Variants in ANK1 observed in about 807,000 individuals in gnomAD.
ANK1 encodes ankyrin 1, also known as ankyrin-1.
ANK1 carries 51 observed loss-of-function variants against 210.4 expected under a neutral mutation model. The ratio of observed to expected loss-of-function variants is 0.24; its 90% CI spans 0.19 to 0.31. The LOEUF is 0.31. Ranked by LOEUF, ANK1 falls within the 10% of genes least tolerant of loss-of-function variation. The pLI, the probability that ANK1 is intolerant of heterozygous loss-of-function variation, is 1.00. For missense variants in ANK1, 2,051 were observed against 2,504.4 expected (o/e 0.82, Z 3.86); for synonymous variants, 967 against 1,025.9 (o/e 0.94, Z 1.10).
chr8:41,716,726 T>C (rs1384400739), intron 13 of ANK1, among the ~76,000 whole-genome samples: 2 of 152,242 alleles, frequency 1.3e-5, no homozygotes, highest in African/African-American at 2.4e-5. Flanking sequence ...GCCACGCACC[T>C]TGGACTTTCC....
chr8:41,889,304 A>T lies in ANK1; in HGVS notation c.126+7051T>A, dbSNP rs10504045. ...TGGGTTGGAGCCCAGTTCTGGGGTT[A>T]TCAACCTATTGGGCGACAGAGTGTG... On this transcript the variant is annotated intron_variant, in intron 1 of 42. Transcript: ENST00000265709. Among the ~76,000 whole-genome samples the T allele has an allele frequency of 6.0e-3, 910 of 152,334 alleles. 30 individuals carry two copies. In the East Asian group the frequency reaches 0.068, roughly 11 times the overall value.
At position 41,727,244 on chromosome 8, in the gene ANK1, A is replaced by G. The variant is rs1830948942; in HGVS notation, c.426+6T>C. ...GGTGGTGACGACATTTTTCCAAGGT[A>G]CTTACTTCTGTGGCTACATTCTGGT... On this transcript the variant is annotated splice_donor_region_variant and intron_variant, in intron 5 of 42. Transcript: ENST00000289734. The G allele has an allele frequency of 6.2e-7, 1 of 1,611,868 alleles. No homozygotes were observed. The highest frequency in any genetic ancestry group is 1.7e-4 in the Middle Eastern group (1 of 6,058).
chr8:41,691,404 G>A lies in ANK1; in HGVS notation c.3859-805C>T, dbSNP rs553293761. 2.4e-4 allele frequency among the ~76,000 whole-genome samples: 37 copies of A among 152,254 alleles called. No homozygotes were observed. In the South Asian group the frequency reaches 6.6e-3, roughly 27 times the overall value. ...AAATTGAGGCTGAAAGAGAAAAACC[G>A]GTTTGCCTCGTTAGTGCCTAAGACA... is the stretch of plus-strand genomic sequence containing the variant. On this transcript the variant is annotated intron_variant, in intron 31 of 42. Coordinates refer to ENST00000289734, the MANE Select transcript of ANK1 (RefSeq NM_000037.4).
chr8:41,679,581 G>A (rs1362700597), intron 37 of ANK1, among the ~76,000 whole-genome samples: 1 of 12,400 alleles, frequency 8.1e-5, no homozygotes, highest in Non-Finnish European at 1.9e-4. Context: ...TTTTTTTTTT[G>A]AGACAGAGTC....
intron 38 of ANK1, among the ~76,000 whole-genome samples, chr8:41,670,438 G>A (rs372765537): frequency 4.6e-5 from 7 of 152,200 alleles, no homozygotes; most frequent in African/African-American, 1.7e-4. Context: ...GGGCCAGCAT[G>A]CAGCCCCTGC....
intron 24 of ANK1, among the ~76,000 whole-genome samples, chr8:41,697,488 C>T (rs1821391335): frequency 1.3e-5 from 2 of 152,136 alleles, no homozygotes; most frequent in African/African-American, 4.8e-5. Flanking sequence ...CAGATGCTCC[C>T]AGCCACCTTG....
At chr8:41,697,976 C>T in intron 24 of ANK1, 67 bp downstream of exon 24, 1 of 1,509,662 alleles carries the variant, frequency 6.6e-7, no homozygotes, top group Non-Finnish European at 9.2e-7. Context: ...GGCCACCCCT[C>T]AACAATCACT....
At chr8:41,748,851 C>A (rs1015331113) in intron 2 of ANK1, among the ~76,000 whole-genome samples, 1 of 152,156 alleles carries the variant, frequency 6.6e-6, no homozygotes, top group Non-Finnish European at 1.5e-5. Flanking sequence ...CCAGCTAACA[C>A]AGTGAAATCC....
chr8:41,748,775 C>A lies in ANK1; in HGVS notation c.129+9261G>T, dbSNP rs192493281. Among the ~76,000 whole-genome samples, 21 of 152,356 alleles carry A rather than the reference C, an allele frequency of 1.4e-4. No homozygotes were observed. In the East Asian group the frequency reaches 3.9e-3, roughly 28 times the overall value. ...ATGAAGCCAGGCGCGGTGGCTTACG[C>A]CTGTAATCCCAGCACTTTGGGAGGC... On this transcript the variant is annotated intron_variant, in intron 2 of 42. Coordinates refer to ENST00000289734, the MANE Select transcript of ANK1 (RefSeq NM_000037.4).
At chr8:41,791,286 C>T (rs1434294765) in intron 1 of ANK1, among the ~76,000 whole-genome samples, 9 of 145,484 alleles carry the variant, frequency 6.2e-5, no homozygotes, top group African/African-American at 2.3e-4. Flanking sequence ...ATTCTCCTGC[C>T]TCAGCCTCCC....
chr8:41,709,883 C>T (rs1191503612), intron 16 of ANK1, among the ~76,000 whole-genome samples: 5 of 152,150 alleles, frequency 3.3e-5, no homozygotes, highest in African/African-American at 9.7e-5. Context: ...GAGCTCTGAT[C>T]GTACCACTGC....
chr8:41,745,004 T>C (rs1835744330), intron 2 of ANK1, among the ~76,000 whole-genome samples: 1 of 151,944 alleles, frequency 6.6e-6, no homozygotes, highest in South Asian at 2.1e-4. Context: ...ACATGACAAC[T>C]AAATGCAAAA....
rs1830166627 is a variant in ANK1 at position 41,724,470 on chromosome 8, T to G, written c.697A>C (p.Asn233His). The G allele has an allele frequency of 8.8e-6, 14 of 1,586,794 alleles. No individual in the cohort carries two copies. Among genetic ancestry groups the G allele is most frequent in the Non-Finnish European group, 1.2e-5 (14 of 1,166,390 alleles). ...CCCAGGGTTACCTGTGGTGTGAAATTGACGCTGGCTCCTCTGTTGAGGAGC... is the reference window on the plus strand; with the variant it reads ...CCCAGGGTTACCTGTGGTGTGAAATGGACGCTGGCTCCTCTGTTGAGGAGC... ...QLLLNRGASV[N>H]FTPQNGITPL... Residue 233 changes from asparagine to histidine, a missense_variant, in exon 7 of 43, where the codon AAT becomes CAT. Physicochemically the swap from Asn to His is moderately conservative, Grantham distance 68. This residue lies in a region of ANK1 where 1,413 missense variants were observed against 1,707.4 expected (regional missense o/e 0.83). Coordinates refer to ENST00000289734, the MANE Select transcript of ANK1 (RefSeq NM_000037.4).
chr8:41,892,174 C>T (rs1165751231), intron 1 of ANK1, among the ~76,000 whole-genome samples: 1 of 151,938 alleles, frequency 6.6e-6, no homozygotes, highest in Non-Finnish European at 1.5e-5. Context: ...CCCCCTCCAT[C>T]CCACTTTCCC....
intron 40 of ANK1, among the ~76,000 whole-genome samples, chr8:41,663,369 C>T (rs1159748188): frequency 1.3e-5 from 2 of 152,144 alleles, no homozygotes; most frequent in Non-Finnish European, 2.9e-5. Flanking sequence ...GGTTAGGCAT[C>T]ATGGGACTAG....
chr8:41,864,451 A>C (rs1393786953), intron 1 of ANK1, among the ~76,000 whole-genome samples: 2 of 152,062 alleles, frequency 1.3e-5, no homozygotes, highest in East Asian at 3.9e-4. Flanking sequence ...CCTCCTGCCC[A>C]CCACGAGAGC....
At chr8:41,870,625 C>T (rs547887730) in intron 1 of ANK1, among the ~76,000 whole-genome samples, 1 of 152,192 alleles carries the variant, frequency 6.6e-6, no homozygotes, top group African/African-American at 2.4e-5. Context: ...GTGTGGCCGG[C>T]GTGAGGGAAC....
intron 1 of ANK1, among the ~76,000 whole-genome samples, chr8:41,857,795 T>TA (rs1200507332): frequency 6.6e-6 from 1 of 151,582 alleles, no homozygotes; most frequent in Non-Finnish European, 1.5e-5. Context: ...TCCCAGCTAC[T>TA]AGAGAGGCTG....
intron 2 of ANK1, among the ~76,000 whole-genome samples, chr8:41,747,967 T>C (rs1315207542): frequency 6.6e-6 from 1 of 152,138 alleles, no homozygotes; most frequent in Non-Finnish European, 1.5e-5. Flanking sequence ...GTCAAATCCA[T>C]CCTCTGAGTC....
Sources: gnomAD v4.1 joint callset for allele counts (sites outside exome capture counted in the v4.1 genomes callset) on GRCh38, gnomAD v4.1.1 for gene constraint, gnomAD v4.1.1 regional missense constraint, MANE v1.5 for transcripts, NCBI Gene and HGNC (gene_info 2026-07-23, HGNC 2026-07-21) for gene names.